Variants in CCDC30 observed in about 807,000 individuals in gnomAD.
CCDC30 encodes the protein coiled-coil domain-containing protein 30.
CCDC30 carries 70 observed loss-of-function variants against 100.2 expected under a neutral mutation model. The ratio of observed to expected loss-of-function variants is 0.70; its 90% CI spans 0.58 to 0.85. The LOEUF (loss-of-function observed/expected upper bound fraction) is 0.85. Ranked by LOEUF, CCDC30 falls within the 40% of genes least tolerant of loss-of-function variation. CCDC30 has a pLI of 0.00. For missense variants in CCDC30, 652 were observed against 771.2 expected (o/e 0.85, Z 1.83); for synonymous variants, 233 against 269.5 (o/e 0.86, Z 1.33).
chr1:42,625,725 G>T (rs549543693), intron 11 of CCDC30, among the ~76,000 whole-genome samples: 4 of 152,058 alleles, frequency 2.6e-5, no homozygotes, highest in African/African-American at 9.6e-5. Context: ...GAAAATGCTT[G>T]ATATTATTTC....
chr1:42,546,776 T>A (rs956270089), intron 6 of CCDC30, among the ~76,000 whole-genome samples: 1 of 152,134 alleles, frequency 6.6e-6, no homozygotes, highest in African/African-American at 2.4e-5. Context: ...TCTACTTTTC[T>A]AACCAAAAGT....
At chr1:42,645,583 G>A (rs926673174) in intron 14 of CCDC30, among the ~76,000 whole-genome samples, 7 of 152,156 alleles carry the variant, frequency 4.6e-5, no homozygotes, top group Admixed American at 2.0e-4. Context: ...ATACTGGATA[G>A]TAGATCCTGC....
chr1:42,510,656 CAA>C (rs112722955), intron 6 of CCDC30, among the ~76,000 whole-genome samples: 12 of 124,288 alleles, frequency 9.7e-5, no homozygotes, highest in South Asian at 2.6e-4. Flanking sequence ...GACTCCGTTT[CAA>C]AAAAAAAAAA....
intron 8 of CCDC30, among the ~76,000 whole-genome samples, chr1:42,577,518 T>C (rs1163336436): frequency 2.0e-5 from 3 of 152,226 alleles, no homozygotes; most frequent in African/African-American, 7.2e-5. Context: ...ATTTTCACAT[T>C]TGAGAAGGCG....
At chr1:42,519,196 G>A (rs546625887) in intron 6 of CCDC30, among the ~76,000 whole-genome samples, 1 of 152,256 alleles carries the variant, frequency 6.6e-6, no homozygotes, top group South Asian at 2.1e-4. Flanking sequence ...GTATATTGTT[G>A]AGGATTTTTT....
In CCDC30 at chr1:42,642,240, C is replaced by CA. The variant is rs377007248; in HGVS notation, c.1420-226dup. 2.9e-3 allele frequency among the ~76,000 whole-genome samples: 426 copies of CA among 145,902 alleles called. 3 individuals carry two copies. Among genetic ancestry groups the CA allele is most frequent in the Middle Eastern group, 6.9e-3 (2 of 290 alleles). On this transcript the variant is annotated intron_variant, in intron 12 of 16. Coordinates refer to ENST00000668663, the Ensembl canonical transcript of CCDC30. The stretch of plus-strand genomic sequence containing the variant: ...GTTCTGTCTTAAACAAACAAACAAA[C>CA]AAAAAAATATATATATATATATATG...
chr1:42,489,944 G>T, intron 3 of CCDC30: 1 of 265,372 alleles, frequency 3.8e-6, no homozygotes, highest in Non-Finnish European at 7.1e-6. Context: ...ACAATTACAA[G>T]ATCAGATAAT....
intron 11 of CCDC30, among the ~76,000 whole-genome samples, chr1:42,629,291 T>C (rs1646989080): frequency 6.6e-6 from 1 of 152,230 alleles, no homozygotes; most frequent in Non-Finnish European, 1.5e-5. Flanking sequence ...ATATTTTCAC[T>C]GGATATACTA....
intron 6 of CCDC30, among the ~76,000 whole-genome samples, chr1:42,541,329 A>T (rs1320979455): frequency 6.6e-6 from 1 of 152,242 alleles, no homozygotes; most frequent in Non-Finnish European, 1.5e-5. Flanking sequence ...TGCATTAGTT[A>T]CTTGCCAATG....
At chr1:42,511,117 G>A (rs1644471357) in intron 6 of CCDC30, among the ~76,000 whole-genome samples, 1 of 151,986 alleles carries the variant, frequency 6.6e-6, no homozygotes, top group East Asian at 1.9e-4. Flanking sequence ...GACAGTGAGG[G>A]CATCCCCCTT....
chr1:42,490,223 GA>G lies in CCDC30; in HGVS notation c.239del (p.Asn80MetfsTer23). The G allele has an allele frequency of 1.7e-6, 2 of 1,198,364 alleles. No individual in the cohort carries two copies. Among genetic ancestry groups the G allele is most frequent in the Non-Finnish European group, 2.1e-6 (2 of 955,890 alleles). The allele number at this position is 1,198,364 out of a possible 1,614,324, so 74.2% of individuals were successfully genotyped here. A position where few individuals can be genotyped will look rare whatever the true frequency, so the allele number is the denominator to read the frequency against. On this transcript the variant is annotated frameshift_variant, in exon 4 of 17. Coordinates refer to ENST00000668663, the Ensembl canonical transcript of CCDC30. LOFTEE classifies it high-confidence loss of function. ...GAAGGAAAATTTGGTAAAGCTGAAAGAAAATGGTAAGTCATTCTAGAAGATA... is the reference window on the plus strand; with the variant it reads ...GAAGGAAAATTTGGTAAAGCTGAAAGAAATGGTAAGTCATTCTAGAAGATA...
chr1:42,512,782 G>C (rs557678444), intron 6 of CCDC30, among the ~76,000 whole-genome samples: 89 of 152,252 alleles, frequency 5.8e-4, no homozygotes, highest in African/African-American at 2.1e-3. Flanking sequence ...GCCCCATGCG[G>C]TGGCTAGGCC....
intron 15 of CCDC30, among the ~76,000 whole-genome samples, chr1:42,651,888 A>G (rs764355157): frequency 2.0e-5 from 3 of 152,144 alleles, no homozygotes; most frequent in East Asian, 1.9e-4. Context: ...AACCAAAAAT[A>G]TGAAAGATAA....
upstream of CCDC30, among the ~76,000 whole-genome samples, chr1:42,461,312 G>A (rs1304404813): frequency 1.3e-5 from 2 of 152,206 alleles, no homozygotes; most frequent in Non-Finnish European, 2.9e-5. Flanking sequence ...AGTCAAGACT[G>A]TTCTGGAAGC....
At chr1:42,474,634 T>G (rs1379128814) in intron 1 of CCDC30, among the ~76,000 whole-genome samples, 1 of 152,124 alleles carries the variant, frequency 6.6e-6, no homozygotes, top group African/African-American at 2.4e-5. Flanking sequence ...TCTAAGCACT[T>G]TGGCGTACTA....
chr1:42,581,736 G>C (rs568563309), intron 9 of CCDC30, among the ~76,000 whole-genome samples: 3 of 152,168 alleles, frequency 2.0e-5, no homozygotes, highest in African/African-American at 7.2e-5. Context: ...ATTTTTAAAG[G>C]CAGAGATTAT....
chr1:42,527,671 A>G (rs1644741643), intron 6 of CCDC30, among the ~76,000 whole-genome samples: 1 of 152,198 alleles, frequency 6.6e-6, no homozygotes. Flanking sequence ...AACAAAACAT[A>G]AAGAAAAGCA....
At chr1:42,623,953 G>A (rs554650122) in intron 11 of CCDC30, among the ~76,000 whole-genome samples, 15 of 152,058 alleles carry the variant, frequency 9.9e-5, no homozygotes, top group Non-Finnish European at 1.5e-4. Flanking sequence ...TCACTTTGTT[G>A]GTTAAGCTAA....
intron 6 of CCDC30, chr1:42,539,301 A>G: frequency 2.5e-6 from 4 of 1,592,620 alleles, no homozygotes; most frequent in Non-Finnish European, 2.6e-6. Context: ...ATTCTGAATT[A>G]GAAACAAAGG....
Sources: gnomAD v4.1 joint callset for allele counts (sites outside exome capture counted in the v4.1 genomes callset) on GRCh38, gnomAD v4.1.1 for gene constraint, MANE v1.5 for transcripts, NCBI Gene and HGNC (gene_info 2026-07-23, HGNC 2026-07-21) for gene names.